SPARCL1: variants seen among roughly 807,000 people sequenced by gnomAD.
The protein encoded by SPARCL1 is SPARC-like protein 1.
A neutral mutation model predicts 67.1 loss-of-function variants in SPARCL1; 52 were observed. The ratio of observed to expected loss-of-function variants is 0.78; its 90% CI spans 0.62 to 0.98. The LOEUF (loss-of-function observed/expected upper bound fraction) is 0.98, where lower values mean the gene tolerates loss of function less well. SPARCL1 is among the 50% of genes least tolerant of loss of function. The pLI is 0.00. For missense variants in SPARCL1, 717 were observed against 782.4 expected (o/e 0.92, Z 1.00); for synonymous variants, 226 against 267.8 (o/e 0.84, Z 1.52).
chr4:87,494,010 C>T lies in SPARCL1; in HGVS notation c.790G>A (p.Gly264Ser). 6.2e-7 allele frequency: 1 copy of T among 1,614,016 alleles called. No individual in the cohort carries two copies. Among genetic ancestry groups the T allele is most frequent in the Non-Finnish European group, 8.5e-7 (1 of 1,180,024 alleles). Residue 264 changes from glycine to serine, a missense_variant, in exon 4 of 11, where the codon GGT becomes AGT. Transcript: ENST00000282470. ...SKMQEDEFDQ[G>S]NQEQEDNSNA... ...GAGTTATCTTCTTGTTCTTGGTTAC[C>T]CTGATCAAATTCATCCTCCTGCATC...
At chr4:87,513,645 T>A (rs1725465968) in intron 1 of SPARCL1, among the ~76,000 whole-genome samples, 2 of 152,086 alleles carry the variant, frequency 1.3e-5, no homozygotes, top group South Asian at 4.1e-4. Flanking sequence ...AGTAATATCA[T>A]TAGAGTCATT....
At chr4:87,477,409 T>A (rs1384588106) in intron 10 of SPARCL1, among the ~76,000 whole-genome samples, 6 of 152,162 alleles carry the variant, frequency 3.9e-5, no homozygotes, top group Non-Finnish European at 1.5e-5. Context: ...GAAAGACAAT[T>A]GACATCCAAC....
At chr4:87,492,691 T>C (rs1724399103) in intron 4 of SPARCL1, among the ~76,000 whole-genome samples, 1 of 152,182 alleles carries the variant, frequency 6.6e-6, no homozygotes, top group Non-Finnish European at 1.5e-5. Context: ...TTTTAAGGTA[T>C]AAGAAAACTC....
chr4:87,476,780 A>G (rs1018748909), intron 10 of SPARCL1, among the ~76,000 whole-genome samples: 1 of 152,230 alleles, frequency 6.6e-6, no homozygotes, highest in African/African-American at 2.4e-5. Context: ...TCACACAGCT[A>G]GTTAATAACA....
At chr4:87,480,820 C>CT (rs1553967987) in intron 8 of SPARCL1, among the ~76,000 whole-genome samples, 2,278 of 133,374 alleles carry the variant, frequency 0.017, 24 homozygotes, top group East Asian at 0.027. Context: ...ATGTTCGCTG[C>CT]TTTTTTTTTT....
At chr4:87,498,879 A>AT (rs5860078) in intron 2 of SPARCL1, among the ~76,000 whole-genome samples, 101,855 of 148,000 alleles carry the variant, frequency 0.69, 35,832 homozygotes, top group African/African-American at 0.85. Context: ...CACCCTAAGT[A>AT]TTTTTTTTTT....
chr4:87,528,782 G>C (rs1286030027), intron 1 of SPARCL1, among the ~76,000 whole-genome samples: 1 of 152,136 alleles, frequency 6.6e-6, no homozygotes, highest in Non-Finnish European at 1.5e-5. Context: ...GCGATCAACA[G>C]TTCCACATTT....
intron 7 of SPARCL1, among the ~76,000 whole-genome samples, chr4:87,488,725 T>C (rs1373199097): frequency 6.6e-6 from 1 of 152,164 alleles, no homozygotes; most frequent in East Asian, 1.9e-4. Context: ...CCCAAGGAGA[T>C]GGGAGCTTTA....
intron 4 of SPARCL1, among the ~76,000 whole-genome samples, chr4:87,492,433 A>AT: frequency 6.6e-6 from 1 of 150,994 alleles, no homozygotes; most frequent in African/African-American, 2.5e-5. Flanking sequence ...AAAAAAAAAA[A>AT]GAAAAAAGAA....
chr4:87,515,449 C>T (rs914569162), intron 1 of SPARCL1, among the ~76,000 whole-genome samples: 1 of 152,140 alleles, frequency 6.6e-6, no homozygotes, highest in Non-Finnish European at 1.5e-5. Context: ...TTAATAACCC[C>T]AATAATGAAT....
At chr4:87,514,063 A>G (rs1384521311) in intron 1 of SPARCL1, among the ~76,000 whole-genome samples, 2 of 152,086 alleles carry the variant, frequency 1.3e-5, no homozygotes, top group East Asian at 3.9e-4. Flanking sequence ...GCGTGGTGGC[A>G]TGAGCCTGTA....
rs1355863458 is a variant in SPARCL1 at position 87,499,549 on chromosome 4, C to G, written c.26G>C (p.Cys9Ser). MKTGLFFLCLLGTAAAIPT... is the reference protein window; with the variant it reads MKTGLFFLSLLGTAAAIPT... Reference sequence around the variant, plus strand: ...GATTGCAGCTGCAGTTCCCAAGAGACATAGGAAAAAAAGCCCAGTCTTCAT... The same window carrying G: ...GATTGCAGCTGCAGTTCCCAAGAGAGATAGGAAAAAAAGCCCAGTCTTCAT... The change falls in exon 2 of 11, where the codon TGT becomes TCT. Residue 9 changes from cysteine to serine, a missense_variant. Cys to Ser is a moderately radical substitution (Grantham distance 112). Coordinates refer to ENST00000282470, the MANE Select transcript of SPARCL1 (RefSeq NM_004684.6). The G allele has an allele frequency of 1.3e-6, 2 of 1,591,806 alleles. No individual in the cohort carries two copies. The highest frequency in any genetic ancestry group is 1.7e-6 in the Non-Finnish European group (2 of 1,174,622).
chr4:87,473,946 C>T lies in SPARCL1; in HGVS notation c.1967-143G>A. On this transcript the variant is annotated intron_variant, in intron 10 of 10. Coordinates refer to ENST00000282470, the MANE Select transcript of SPARCL1 (RefSeq NM_004684.6). ...CTCAACTTTGGTAGGACAGCAACAT[C>T]ACTCATGAACTTTTACAAATATGTA... is the stretch of plus-strand genomic sequence containing the variant. 5.1e-6 allele frequency: 3 copies of T among 586,500 alleles called. 1 individual carries two copies. In the South Asian group the frequency reaches 7.3e-5, roughly 14 times the overall value. The allele number at this position is 586,500 out of a possible 1,614,324, so 36.3% of individuals were successfully genotyped here.
rs774953944 is a variant in SPARCL1, at chr4:87,493,718, T to A, written c.1082A>T (p.Tyr361Phe). 30 of 1,614,030 alleles carry A rather than the reference T, an allele frequency of 1.9e-5. No individual in the cohort carries two copies. The highest frequency in any genetic ancestry group is 2.5e-5 in the Non-Finnish European group (29 of 1,180,034). ...DGPRHSASDD[Y>F]FIPSQAFLEA... ...CAGAAAGGCCTGGCTTGGGATGAAG[T>A]AGTCATCACTTGCACTGTGCCTGGG... is the stretch of plus-strand genomic sequence containing the variant. Residue 361 changes from tyrosine (Y) to phenylalanine (F), a missense_variant, in exon 4 of 11, where the codon TAC (tyrosine) becomes TTC (phenylalanine). Physicochemically the swap from Tyr to Phe is conservative, Grantham distance 22. Transcript: ENST00000282470.
intron 1 of SPARCL1, among the ~76,000 whole-genome samples, chr4:87,508,901 A>ATATATATATT (rs1212672917): frequency 6.8e-6 from 1 of 147,180 alleles, no homozygotes; most frequent in African/African-American, 2.5e-5. Flanking sequence ...ATATATATAT[A>ATATATATATT]TATATAGTAT....
chr4:87,480,426 TA>T lies in SPARCL1; in HGVS notation c.1762del (p.Tyr588MetfsTer21). ...AAACTGCCAGTGCACAGGATACACA[TA>T]CATGTGGTAGTTTTTCTTAAAGTCC... is the stretch of plus-strand genomic sequence containing the variant. ...LRDFKKNYHM[Y>X]VYPVHWQFSE... is the part of the protein sequence containing the mutation. On this transcript the variant is annotated frameshift_variant, in exon 9 of 11. Coordinates refer to ENST00000282470, the MANE Select transcript of SPARCL1 (RefSeq NM_004684.6). LOFTEE classifies it high-confidence loss of function. 1 of 1,613,400 alleles carries T rather than the reference TA, an allele frequency of 6.2e-7. No homozygotes were observed. Among genetic ancestry groups the T allele is most frequent in the Non-Finnish European group, 8.5e-7 (1 of 1,179,618 alleles).
chr4:87,503,028 C>T (rs1426489777), intron 1 of SPARCL1, among the ~76,000 whole-genome samples: 1 of 152,178 alleles, frequency 6.6e-6, no homozygotes, highest in Non-Finnish European at 1.5e-5. Context: ...TCTCTCAGTG[C>T]ACACACTGAT....
chr4:87,503,149 G>T (rs564616623), intron 1 of SPARCL1, among the ~76,000 whole-genome samples: 12 of 152,280 alleles, frequency 7.9e-5, no homozygotes, highest in Admixed American at 7.9e-4. Flanking sequence ...TTGAAACATG[G>T]AAGTCCCCTG....
intron 4 of SPARCL1, 41 bp from the exon 5 acceptor site, chr4:87,491,731 G>C: frequency 7.5e-7 from 1 of 1,329,058 alleles, no homozygotes; most frequent in South Asian, 1.2e-5. Flanking sequence ...CTACTAAGAG[G>C]AGAGCCATTA....
Sources: allele counts gnomAD v4.1 joint callset (sites outside exome capture counted in the v4.1 genomes callset), GRCh38; gene constraint gnomAD v4.1.1; transcripts MANE v1.5; gene names NCBI Gene and HGNC (gene_info 2026-07-23, HGNC 2026-07-21).